SNCAIP: variants seen among roughly 807,000 people sequenced by gnomAD.
SNCAIP encodes the protein synphilin-1.
SNCAIP carries 43 observed loss-of-function variants against 86.7 expected under a neutral mutation model. The ratio of observed to expected loss-of-function variants is 0.50; its 90% CI spans 0.39 to 0.64. The LOEUF (loss-of-function observed/expected upper bound fraction) is 0.64. SNCAIP is among the 30% of genes least tolerant of loss of function. SNCAIP has a pLI of 0.00. For synonymous variants in SNCAIP, 417 were observed against 427.2 expected, an observed-to-expected ratio of 0.98 and a Z score of 0.29; for missense variants, 981 against 1,103.1, an observed-to-expected ratio of 0.89 and a Z score of 1.57.
At chr5:122,330,136 T>G (rs1754977319) in intron 1 of SNCAIP, among the ~76,000 whole-genome samples, 2 of 141,400 alleles carry the variant, frequency 1.4e-5, no homozygotes, top group Non-Finnish European at 3.1e-5. Context: ...TTTTTTTTTT[T>G]TTTGAGACGG....
chr5:122,445,436 A>G (rs1782061661), intron 8 of SNCAIP, among the ~76,000 whole-genome samples: 1 of 152,116 alleles, frequency 6.6e-6, no homozygotes, highest in Non-Finnish European at 1.5e-5. Flanking sequence ...AAAGGTCATC[A>G]GGTCTCTGGC....
At chr5:122,316,677 C>T (rs1751800690) in intron 1 of SNCAIP, among the ~76,000 whole-genome samples, 1 of 152,180 alleles carries the variant, frequency 6.6e-6, no homozygotes, top group African/African-American at 2.4e-5. Context: ...AATGCCTCAT[C>T]CAGACTCCTT....
intron 1 of SNCAIP, among the ~76,000 whole-genome samples, chr5:122,325,656 C>G (rs759187116): frequency 3.9e-5 from 6 of 152,186 alleles, no homozygotes; most frequent in Non-Finnish European, 8.8e-5. Flanking sequence ...TCAGAGGACA[C>G]TGTAAGAATG....
intron 1 of SNCAIP, among the ~76,000 whole-genome samples, chr5:122,318,269 A>G (rs1752214515): frequency 6.6e-6 from 1 of 152,104 alleles, no homozygotes; most frequent in African/African-American, 2.4e-5. Flanking sequence ...TTCTCAAACT[A>G]TGAACTATTA....
At position 122,363,968 on chromosome 5, in the gene SNCAIP, G is replaced by A. The variant is rs1052029220; in HGVS notation, c.-46-27121G>A. ...CTCCTAAGTAGCTGAGACTGCAGGT[G>A]CCCTCCACCACACCAGGCTAATTAA... is the stretch of plus-strand genomic sequence containing the variant. On this transcript the variant is annotated intron_variant, in intron 1 of 10. Coordinates refer to ENST00000261368, the MANE Select transcript of SNCAIP (RefSeq NM_005460.4). Among the ~76,000 whole-genome samples, 23 of 152,112 alleles carry A rather than the reference G, an allele frequency of 1.5e-4. No homozygotes were observed. The East Asian group carries it at 1.9e-3, about 13-fold the overall frequency.
intron 1 of SNCAIP, among the ~76,000 whole-genome samples, chr5:122,341,192 G>T (rs1172104553): frequency 2.0e-5 from 3 of 152,136 alleles, no homozygotes; most frequent in Non-Finnish European, 4.4e-5. Context: ...AATTGACAGG[G>T]CACGTTTTTA....
intron 6 of SNCAIP, among the ~76,000 whole-genome samples, chr5:122,435,648 G>A (rs1779281880): frequency 6.6e-6 from 1 of 151,914 alleles, no homozygotes; most frequent in Non-Finnish European, 1.5e-5. Context: ...TTAAATATTT[G>A]CCCTAATACA....
chr5:122,372,209 T>C (rs1764412052), intron 1 of SNCAIP, among the ~76,000 whole-genome samples: 1 of 152,224 alleles, frequency 6.6e-6, no homozygotes, highest in Non-Finnish European at 1.5e-5. Flanking sequence ...TCAGCTAATT[T>C]CTTATTCTAA....
intron 1 of SNCAIP, among the ~76,000 whole-genome samples, chr5:122,354,588 A>G (rs1760628332): frequency 6.6e-6 from 1 of 152,202 alleles, no homozygotes; most frequent in South Asian, 2.1e-4. Context: ...TTTAAAGGAA[A>G]GTTGCCCTGA....
intron 1 of SNCAIP, among the ~76,000 whole-genome samples, chr5:122,314,967 C>T (rs1580706687): frequency 6.6e-6 from 1 of 152,106 alleles, no homozygotes; most frequent in African/African-American, 2.4e-5. Flanking sequence ...TACTAAACAT[C>T]GAAGAACACA....
At chr5:122,428,209 G>A (rs754288823) in intron 5 of SNCAIP, among the ~76,000 whole-genome samples, 3 of 152,100 alleles carry the variant, frequency 2.0e-5, no homozygotes, top group African/African-American at 4.8e-5. Flanking sequence ...TGGATATAAC[G>A]TGACTTCAAA....
chr5:122,409,046 A>AG (rs111699048), intron 3 of SNCAIP, among the ~76,000 whole-genome samples: 5,851 of 152,206 alleles, frequency 0.038, 374 homozygotes, highest in African/African-American at 0.13. Flanking sequence ...ATGTGTAGCA[A>AG]CTAGTTTGGG....
At chr5:122,407,386 G>C (rs1773232154) in intron 3 of SNCAIP, among the ~76,000 whole-genome samples, 1 of 152,230 alleles carries the variant, frequency 6.6e-6, no homozygotes, top group Non-Finnish European at 1.5e-5. Flanking sequence ...ATGGTGATCA[G>C]AATGAGGAGC....
At chr5:122,371,928 T>G (rs953187146) in intron 1 of SNCAIP, among the ~76,000 whole-genome samples, 2 of 152,150 alleles carry the variant, frequency 1.3e-5, no homozygotes, top group South Asian at 4.1e-4. Flanking sequence ...GGGTTTCTAT[T>G]TGACTGATAA....
At chr5:122,430,713 T>C (rs912159103) in intron 5 of SNCAIP, among the ~76,000 whole-genome samples, 1 of 152,074 alleles carries the variant, frequency 6.6e-6, no homozygotes, top group Admixed American at 6.6e-5. Context: ...TTGAGAGAAG[T>C]TTAAGTTTCT....
chr5:122,404,347 G>A (rs1772509497), intron 3 of SNCAIP, among the ~76,000 whole-genome samples: 2 of 152,162 alleles, frequency 1.3e-5, no homozygotes, highest in South Asian at 2.1e-4. Context: ...TAAGATTAAA[G>A]CAAAGGCTTT....
rs1212303157 is a variant in SNCAIP at position 122,330,117 on chromosome 5, CTTT to C, written c.-47+17853_-47+17855del. On this transcript the variant is annotated intron_variant, in intron 1 of 10. Coordinates refer to ENST00000261368, the MANE Select transcript of SNCAIP (RefSeq NM_005460.4). ...CTTACCTCCGTGTACAACTTCATTTCTTTTTTTTTTTTTTTTTTTTTTGAGACG... is the reference window on the plus strand; with the variant it reads ...CTTACCTCCGTGTACAACTTCATTTCTTTTTTTTTTTTTTTTTTTGAGACG... Among the ~76,000 whole-genome samples the C allele has an allele frequency of 2.4e-3, 231 of 96,798 alleles. 5 individuals are homozygous for C. The East Asian group carries it at 0.053, about 22-fold the overall frequency. 63.5% of individuals were successfully genotyped at this position (96,798 alleles called of 152,430 possible). A position where few individuals can be genotyped will look rare whatever the true frequency, so the allele number is the denominator to read the frequency against.
intron 6 of SNCAIP, among the ~76,000 whole-genome samples, chr5:122,435,757 G>A (rs868703223): frequency 5.3e-5 from 8 of 152,156 alleles, no homozygotes; most frequent in Middle Eastern, 6.8e-3. Flanking sequence ...GGGTGTTCCC[G>A]CAGGCTGTGT....
chr5:122,445,645 TAC>T (rs55968414), intron 8 of SNCAIP, among the ~76,000 whole-genome samples: 30,404 of 142,896 alleles, frequency 0.21, 3,430 homozygotes, highest in South Asian at 0.32. Flanking sequence ...CTTTAAGTTT[TAC>T]ACACACACAC....
Sources: allele counts gnomAD v4.1 joint callset (sites outside exome capture counted in the v4.1 genomes callset), GRCh38; gene constraint gnomAD v4.1.1; transcripts MANE v1.5; gene names NCBI Gene and HGNC (gene_info 2026-07-23, HGNC 2026-07-21).